Variants in CEP57L1 observed in about 807,000 individuals in gnomAD.
CEP57L1 encodes centrosomal protein 57 like 1.
A neutral mutation model predicts 61.0 loss-of-function variants in CEP57L1; 37 were observed. The ratio of observed to expected loss-of-function variants is 0.61; its 90% confidence interval spans 0.47 to 0.80. The LOEUF (loss-of-function observed/expected upper bound fraction) is 0.80. Among genes scored for constraint, CEP57L1 ranks in the 30% least tolerant of loss-of-function variants. The pLI, the probability that CEP57L1 is intolerant of heterozygous loss-of-function variation, is 0.00. For synonymous variants in CEP57L1, 137 were observed against 162.3 expected (o/e 0.84, Z 1.19); for missense variants, 422 against 524.7 (o/e 0.80, Z 1.91).
chr6:109,129,319 T>A (rs1773926429), intron 1 of CEP57L1: 1 of 1,091,226 alleles, frequency 9.2e-7, no homozygotes, highest in African/African-American at 1.6e-5. Context: ...GGATCCTCAC[T>A]TCTTCACTTG....
intron 1 of CEP57L1, among the ~76,000 whole-genome samples, chr6:109,130,527 C>T (rs920365240): frequency 3.3e-5 from 5 of 151,566 alleles, no homozygotes; most frequent in East Asian, 1.9e-4. Flanking sequence ...TGTGCTTCTA[C>T]GAACATAGGT....
chr6:109,174,053 T>TTACACCAAAGTGCTGGGATTACAGG lies in CEP57L1; in HGVS notation c.*11083_*11084insTACACCAAAGTGCTGGGATTACAGG. Among the ~76,000 whole-genome samples the TTACACCAAAGTGCTGGGATTACAGG allele has an allele frequency of 6.7e-6, 1 of 148,648 alleles. No homozygotes were observed. Among genetic ancestry groups the TTACACCAAAGTGCTGGGATTACAGG allele is most frequent in the Admixed American group, 6.7e-5 (1 of 14,878 alleles). On this transcript the variant is annotated 3_prime_UTR_variant, in exon 11 of 11. Transcript: ENST00000517392. ...AGACAGAGGGTGCAGTGAGCCGAGA[T>TTACACCAAAGTGCTGGGATTACAGG]CATGCCATTGCACTCCAGCCTGAGC...
chr6:109,136,934 A>G (rs1008434735), intron 1 of CEP57L1, among the ~76,000 whole-genome samples: 3 of 151,956 alleles, frequency 2.0e-5, no homozygotes, highest in Non-Finnish European at 4.4e-5. Flanking sequence ...TATTTTTAGT[A>G]GAGATGGGGT....
intron 1 of CEP57L1, among the ~76,000 whole-genome samples, chr6:109,110,542 G>A (rs1402741510): frequency 2.0e-5 from 3 of 152,102 alleles, no homozygotes; most frequent in South Asian, 2.1e-4. Flanking sequence ...GATCCAATTC[G>A]TCAATTTTTG....
Position 109,168,163 on chromosome 6 carries a change from T to G in CEP57L1, c.*5193T>G, listed in dbSNP as rs1774220802. On this transcript the variant is annotated 3_prime_UTR_variant, in exon 11 of 11. Coordinates refer to ENST00000517392, the MANE Select transcript of CEP57L1 (RefSeq NM_001271852.3). ...TTTATATACCTTCACCTTTTTAAATTTTTTGCCTGGTAGCAGTATTGGTCT... is the reference window on the plus strand; with the variant it reads ...TTTATATACCTTCACCTTTTTAAATGTTTTGCCTGGTAGCAGTATTGGTCT... 6.6e-6 allele frequency among the ~76,000 whole-genome samples: 1 copy of G among 152,212 alleles called. No individual in the cohort carries two copies. Among genetic ancestry groups the G allele is most frequent in the Non-Finnish European group, 1.5e-5 (1 of 68,038 alleles).
At position 109,145,954 on chromosome 6, in the gene CEP57L1, T is replaced by C. The variant is rs958845712; in HGVS notation, c.160+573T>C. 3.9e-5 allele frequency among the ~76,000 whole-genome samples: 6 copies of C among 152,080 alleles called. No individual in the cohort carries two copies. The South Asian group carries it at 1.0e-3, about 26-fold the overall frequency. Reference sequence around the variant, plus strand: ...GATATCACCTACTTTTAAAATCTTCTATAATAATGGTTGCTGTTAATAAAT... The same window carrying C: ...GATATCACCTACTTTTAAAATCTTCCATAATAATGGTTGCTGTTAATAAAT... On this transcript the variant is annotated intron_variant, in intron 2 of 10. Coordinates refer to ENST00000517392, the MANE Select transcript of CEP57L1 (RefSeq NM_001271852.3).
intron 1 of CEP57L1, among the ~76,000 whole-genome samples, chr6:109,101,808 A>G (rs1782459775): frequency 6.6e-6 from 1 of 151,646 alleles, no homozygotes; most frequent in Admixed American, 6.6e-5. Flanking sequence ...TTTAGTAGAG[A>G]CGGGGTTTCA....
rs370103078 is a variant in CEP57L1 at position 109,165,169 on chromosome 6, C to A, written c.*2199C>A. Among the ~76,000 whole-genome samples the A allele has an allele frequency of 6.6e-6, 1 of 151,602 alleles. No individual in the cohort carries two copies. The highest frequency in any genetic ancestry group is 1.5e-5 in the Non-Finnish European group (1 of 67,920). Reference sequence around the variant, plus strand: ...AATTAGTCCAGTGTAGTAGAAAAAACCACAACTTCAGAGCTAGGAAACTTG... The same window carrying A: ...AATTAGTCCAGTGTAGTAGAAAAAAACACAACTTCAGAGCTAGGAAACTTG... On this transcript the variant is annotated 3_prime_UTR_variant, in exon 11 of 11. Transcript: ENST00000517392.
intron 1 of CEP57L1, among the ~76,000 whole-genome samples, chr6:109,125,524 A>ATATACACATATATATATATTT (rs1562524338): frequency 1.4e-5 from 2 of 142,990 alleles, no homozygotes; most frequent in African/African-American, 5.2e-5. Flanking sequence ...ATATATATAT[A>ATATACACATATATATATATTT]TTTTTTTTTT....
intron 4 of CEP57L1, among the ~76,000 whole-genome samples, chr6:109,152,534 G>A (rs1772732333): frequency 6.6e-6 from 1 of 152,142 alleles, no homozygotes; most frequent in Non-Finnish European, 1.5e-5. Flanking sequence ...TGAGCAGATA[G>A]TATAGAAAGA....
chr6:109,153,927 C>T lies in CEP57L1; in HGVS notation c.557C>T (p.Thr186Ile), dbSNP rs769389092. 2 of 1,601,234 alleles carry T rather than the reference C, an allele frequency of 1.2e-6. No homozygotes were observed. The highest frequency in any genetic ancestry group is 2.2e-5 in the East Asian group (1 of 44,552). The change falls in exon 5 of 11, where the codon ACA becomes ATA. Residue 186 changes from threonine to isoleucine, a missense_variant. By Grantham distance (89) the Thr-to-Ile change is moderately conservative (BLOSUM62 -1). Coordinates refer to ENST00000517392, the MANE Select transcript of CEP57L1 (RefSeq NM_001271852.3). ...DVLEKECFRL[T>I]TTQKTAEDKI... ...TTAGAAAAAGAGTGTTTCAGACTTA[C>T]AACAACTCAGAAAACTGCTGAGGTA...
chr6:109,120,369 T>C (rs1264453794), intron 1 of CEP57L1, among the ~76,000 whole-genome samples: 1 of 152,236 alleles, frequency 6.6e-6, no homozygotes, highest in African/African-American at 2.4e-5. Context: ...TTTTTCTGCA[T>C]TGGCTGCCAG....
chr6:109,120,095 T>C (rs1212788193), intron 1 of CEP57L1, among the ~76,000 whole-genome samples: 13 of 152,168 alleles, frequency 8.5e-5, no homozygotes, highest in Non-Finnish European at 1.5e-5. Flanking sequence ...TCATTACATA[T>C]AATTGTCTTA....
In CEP57L1 at chr6:109,163,252, T is replaced by C. The variant is rs1773876969; in HGVS notation, c.*282T>C. ...ATATCTTAAGCTAAATTTAAGAAAT[T>C]GTACTAGATTGACAATATTCAAAAT... On this transcript the variant is annotated 3_prime_UTR_variant, in exon 11 of 11. Coordinates refer to ENST00000517392, the MANE Select transcript of CEP57L1 (RefSeq NM_001271852.3). The C allele has an allele frequency of 3.8e-6, 1 of 260,124 alleles. No individual in the cohort carries two copies. Among genetic ancestry groups the C allele is most frequent in the Non-Finnish European group, 7.3e-6 (1 of 136,212 alleles). 16.1% of individuals were successfully genotyped at this position (260,124 alleles called of 1,614,324 possible). A position where few individuals can be genotyped will look rare whatever the true frequency, so the allele number is the denominator to read the frequency against.
At chr6:109,160,244 A>G (rs1300132900) in intron 9 of CEP57L1, among the ~76,000 whole-genome samples, 1 of 152,230 alleles carries the variant, frequency 6.6e-6, no homozygotes, top group Non-Finnish European at 1.5e-5. Flanking sequence ...CAAAGATCCT[A>G]TATCAATAAC....
In CEP57L1 at chr6:109,168,696, A is replaced by G. The variant is rs1369725700; in HGVS notation, c.*5726A>G. 6.6e-6 allele frequency among the ~76,000 whole-genome samples: 1 copy of G among 150,786 alleles called. No homozygotes were observed. The highest frequency in any genetic ancestry group is 1.5e-5 in the Non-Finnish European group (1 of 67,772). ...CTGCAACCTCCACCTCCCAGGTTCAAGCAATTCTCCTGCCTCAGCCTCCCA... is the reference window on the plus strand; with the variant it reads ...CTGCAACCTCCACCTCCCAGGTTCAGGCAATTCTCCTGCCTCAGCCTCCCA... On this transcript the variant is annotated 3_prime_UTR_variant, in exon 11 of 11. Coordinates refer to ENST00000517392, the MANE Select transcript of CEP57L1 (RefSeq NM_001271852.3).
chr6:109,148,368 GTTTGGT>G (rs1489979389), intron 3 of CEP57L1, among the ~76,000 whole-genome samples: 2 of 151,836 alleles, frequency 1.3e-5, no homozygotes, highest in African/African-American at 4.8e-5. Context: ...AACATGCGGT[GTTTGGT>G]TTTTTGTCCT....
At chr6:109,103,416 C>T (rs538263745) in intron 1 of CEP57L1, among the ~76,000 whole-genome samples, 1 of 151,984 alleles carries the variant, frequency 6.6e-6, no homozygotes, top group Non-Finnish European at 1.5e-5. Context: ...TTTAAGTTTT[C>T]CTTAACAAGG....
At chr6:109,141,459 C>T (rs1055543586) in intron 1 of CEP57L1, among the ~76,000 whole-genome samples, 4 of 152,050 alleles carry the variant, frequency 2.6e-5, no homozygotes, top group African/African-American at 7.2e-5. Context: ...ATGATCCGCC[C>T]ACCTCTCCCT....
Sources: allele counts gnomAD v4.1 joint callset (sites outside exome capture counted in the v4.1 genomes callset), GRCh38; gene constraint gnomAD v4.1.1; transcripts MANE v1.5; gene names NCBI Gene and HGNC (gene_info 2026-07-23, HGNC 2026-07-21).